Variants in CDH2 observed in about 807,000 individuals in gnomAD.
CDH2 encodes cadherin-2.
In CDH2, 17 loss-of-function variants were observed where a neutral mutation model predicts 92.0. The ratio of observed to expected loss-of-function variants is 0.18; its 90% CI spans 0.13 to 0.28. The LOEUF (loss-of-function observed/expected upper bound fraction) is 0.28, where lower values mean the gene tolerates loss of function less well. Among genes scored for constraint, CDH2 ranks in the 10% least tolerant of loss-of-function variants. The pLI, the probability that CDH2 is intolerant of heterozygous loss-of-function variation, is 1.00. For synonymous variants in CDH2, 419 were observed against 415.9 expected, an observed-to-expected ratio of 1.01 and a Z score of -0.09; for missense variants, 862 against 1,133.1, an observed-to-expected ratio of 0.76 and a Z score of 3.44.
intron 2 of CDH2, among the ~76,000 whole-genome samples, chr18:28,135,688 C>A (rs2015849971): frequency 6.6e-6 from 1 of 152,122 alleles, no homozygotes; most frequent in Non-Finnish European, 1.5e-5. Flanking sequence ...ATCTCAGTGA[C>A]TGAACTGAAG....
intron 2 of CDH2, among the ~76,000 whole-genome samples, chr18:28,086,927 A>G (rs1053235279): frequency 1.3e-5 from 2 of 152,194 alleles, no homozygotes; most frequent in African/African-American, 4.8e-5. Context: ...TTAAGGTTTT[A>G]TAACACAATG....
At chr18:28,116,622 C>A (rs2015500192) in intron 2 of CDH2, among the ~76,000 whole-genome samples, 1 of 152,080 alleles carries the variant, frequency 6.6e-6, no homozygotes, top group Non-Finnish European at 1.5e-5. Context: ...GTAGACTAAG[C>A]CAGATGATAC....
At position 27,985,044 on chromosome 18, in the gene CDH2, G is replaced by A. The variant is rs781525713; in HGVS notation, c.2165C>T (p.Thr722Ile). The A allele has an allele frequency of 2.5e-6, 4 of 1,614,136 alleles. No individual in the cohort carries two copies. The highest frequency in any genetic ancestry group is 3.4e-6 in the Non-Finnish European group (4 of 1,179,994). Residue 722 changes from threonine to isoleucine, a missense_variant, in exon 13 of 16, where the codon ACC becomes ATC. Thr to Ile is a moderately conservative substitution (Grantham distance 89). Around this residue, in one of 5 missense-constraint regions of CDH2, gnomAD observed 564 missense variants for 722.2 expected, o/e 0.78. Transcript: ENST00000269141. ...GAGCAGGATGGCAATGATGGCACCG[G>A]TGCCAAGCCCCGCACCCACAATCCT... is the stretch of plus-strand genomic sequence containing the variant. ...VDRIVGAGLG[T>I]GAIIAILLCI...
intron 2 of CDH2, among the ~76,000 whole-genome samples, chr18:28,062,800 C>T (rs1351057779): frequency 6.6e-6 from 1 of 152,098 alleles, no homozygotes; most frequent in African/African-American, 2.4e-5. Context: ...TGGTGAAACC[C>T]CTTCTCTACC....
At chr18:28,112,581 T>G (rs1385538348) in intron 2 of CDH2, among the ~76,000 whole-genome samples, 1 of 152,220 alleles carries the variant, frequency 6.6e-6, no homozygotes, top group African/African-American at 2.4e-5. Flanking sequence ...TTCTTAAAAC[T>G]ACATTATAGT....
At chr18:28,074,473 T>C (rs1407027644) in intron 2 of CDH2, among the ~76,000 whole-genome samples, 1 of 152,160 alleles carries the variant, frequency 6.6e-6, no homozygotes, top group African/African-American at 2.4e-5. Flanking sequence ...TTTCAACTCC[T>C]GACCTCAAGT....
rs764528943 is a variant in CDH2, at chr18:28,005,882, A to C, written c.814T>G (p.Trp272Gly). ...GATCCCTCAGGAACTGTCCCATTCC[A>C]AACCTGGTGTAAGAACTCAGGTCTG... Reference protein sequence around the residue: ...DNRPEFLHQVWNGTVPEGSKP... With the variant: ...DNRPEFLHQVGNGTVPEGSKP... The change falls in exon 6 of 16, where the codon TGG (tryptophan) becomes GGG (glycine). Residue 272 changes from tryptophan (W) to glycine (G), a missense_variant. Physicochemically the swap from Trp to Gly is radical, Grantham distance 184. Coordinates refer to ENST00000269141, the MANE Select transcript of CDH2 (RefSeq NM_001792.5). 2.5e-6 allele frequency: 4 copies of C among 1,613,722 alleles called. No individual in the cohort carries two copies. Among genetic ancestry groups the C allele is most frequent in the Non-Finnish European group, 3.4e-6 (4 of 1,179,662 alleles).
intron 2 of CDH2, chr18:28,036,599 A>G: frequency 3.2e-6 from 4 of 1,234,934 alleles, no homozygotes; most frequent in Non-Finnish European, 4.7e-6. Context: ...GAACAAAGTC[A>G]TAATAGGTAT....
intron 15 of CDH2, among the ~76,000 whole-genome samples, chr18:27,955,996 T>C (rs1484716316): frequency 6.6e-6 from 1 of 152,140 alleles, no homozygotes; most frequent in Non-Finnish European, 1.5e-5. Context: ...ATGACTCTTC[T>C]GAACGAGGTA....
rs190247962 is a variant in CDH2, at chr18:28,089,376, C to A, written c.172+58297G>T. On this transcript the variant is annotated intron_variant, in intron 2 of 15. Coordinates refer to ENST00000269141, the MANE Select transcript of CDH2 (RefSeq NM_001792.5). ...ATATTCAGTCACAACTTATAATAAC[C>A]AATCACATATATTTCTTCACATTAT... 3.5e-3 allele frequency among the ~76,000 whole-genome samples: 539 copies of A among 152,200 alleles called. 3 individuals carry two copies. The highest frequency in any genetic ancestry group is 5.6e-3 in the Admixed American group (85 of 15,282).
intron 2 of CDH2, among the ~76,000 whole-genome samples, chr18:28,049,043 T>A (rs570899939): frequency 3.9e-5 from 6 of 152,190 alleles, no homozygotes; most frequent in Non-Finnish European, 7.3e-5. Flanking sequence ...ACCTAACTGA[T>A]ACTCCCAGTT....
At chr18:28,031,715 T>C (rs1599048442) in intron 2 of CDH2, among the ~76,000 whole-genome samples, 3 of 152,172 alleles carry the variant, frequency 2.0e-5, no homozygotes, top group Admixed American at 2.0e-4. Context: ...TCACGAGAAC[T>C]TGGAAAGCCA....
In CDH2 at chr18:27,965,353, C is replaced by T. The variant is rs994605603; in HGVS notation, c.2350-1832G>A. Among the ~76,000 whole-genome samples, 5 of 152,166 alleles carry T rather than the reference C, an allele frequency of 3.3e-5. No homozygotes were observed. In the East Asian group the frequency reaches 9.6e-4, roughly 29 times the overall value. On this transcript the variant is annotated intron_variant, in intron 14 of 15. Transcript: ENST00000269141. ...GGTGTGTGCAATGTGATGCGGAAAG[C>T]GAGGTAGGTATAGAGACTTCGAACC...
intron 15 of CDH2, 69 bp downstream of exon 15, chr18:27,963,288 G>A (rs1461942199): frequency 7.0e-7 from 1 of 1,430,408 alleles, no homozygotes; most frequent in South Asian, 1.2e-5. Flanking sequence ...AGCAATTTGT[G>A]GCCTACAGAG....
At chr18:28,033,479 CTGTG>C (rs542397743) in intron 2 of CDH2, among the ~76,000 whole-genome samples, 2 of 151,420 alleles carry the variant, frequency 1.3e-5, no homozygotes, top group African/African-American at 2.4e-5. Context: ...TTTAGGTGCT[CTGTG>C]TGTGTGTGTA....
chr18:28,069,120 T>C (rs1257237326), intron 2 of CDH2, among the ~76,000 whole-genome samples: 7 of 152,202 alleles, frequency 4.6e-5, no homozygotes, highest in African/African-American at 7.2e-5. Flanking sequence ...TTGAAAATTA[T>C]AGTAAACTTG....
At chr18:28,157,727 T>C (rs1371069762) in intron 1 of CDH2, among the ~76,000 whole-genome samples, 1 of 152,174 alleles carries the variant, frequency 6.6e-6, no homozygotes. Context: ...GATTCTCGCA[T>C]ACGATATGTG....
intron 14 of CDH2, among the ~76,000 whole-genome samples, chr18:27,979,816 C>T (rs1371118762): frequency 1.3e-5 from 2 of 152,112 alleles, no homozygotes; most frequent in Non-Finnish European, 2.9e-5. Flanking sequence ...GGGCAAACCA[C>T]CTGTTTGTGG....
chr18:28,074,296 A>C (rs1044242577), intron 2 of CDH2, among the ~76,000 whole-genome samples: 1 of 152,210 alleles, frequency 6.6e-6, no homozygotes, highest in Non-Finnish European at 1.5e-5. Flanking sequence ...TGACACATGC[A>C]TACATGAGAA....
Sources: gnomAD v4.1 joint callset for allele counts (sites outside exome capture counted in the v4.1 genomes callset) on GRCh38, gnomAD v4.1.1 for gene constraint, gnomAD v4.1.1 regional missense constraint, MANE v1.5 for transcripts, NCBI Gene and HGNC (gene_info 2026-07-23, HGNC 2026-07-21) for gene names.